CDKAL1: variants seen among roughly 807,000 people sequenced by gnomAD.
CDKAL1 encodes threonylcarbamoyladenosine tRNA methylthiotransferase.
In CDKAL1, 32 loss-of-function variants were observed where a neutral mutation model predicts 68.2. The ratio of observed to expected loss-of-function variants is 0.47; its 90% CI spans 0.35 to 0.63. The LOEUF (loss-of-function observed/expected upper bound fraction) is 0.63, where lower values mean the gene tolerates loss of function less well. Ranked by LOEUF, CDKAL1 falls within the 30% of genes least tolerant of loss-of-function variation. The pLI is 0.00. For missense variants in CDKAL1, 606 were observed against 696.7 expected, an observed-to-expected ratio of 0.87 and a Z score of 1.47; for synonymous variants, 234 against 244.3, an observed-to-expected ratio of 0.96 and a Z score of 0.39.
chr6:21,106,914 G>T (rs1219313119), intron 12 of CDKAL1, among the ~76,000 whole-genome samples: 1 of 150,040 alleles, frequency 6.7e-6, no homozygotes, highest in Non-Finnish European at 1.5e-5. Context: ...ATGGGGCAGG[G>T]ATCACAGTGG....
chr6:20,989,319 T>C (rs986859470), intron 10 of CDKAL1, among the ~76,000 whole-genome samples: 1 of 152,158 alleles, frequency 6.6e-6, no homozygotes, highest in Non-Finnish European at 1.5e-5. Context: ...AGAAAGATAG[T>C]TTGATGTTTA....
At chr6:21,057,678 AAC>A (rs1310406725) in intron 11 of CDKAL1, among the ~76,000 whole-genome samples, 1 of 115,068 alleles carries the variant, frequency 8.7e-6, no homozygotes, top group Non-Finnish European at 1.9e-5. Flanking sequence ...TTTTCCTCTT[AAC>A]ACTGTTAGCT....
At chr6:20,560,816 G>T (rs1481195745) in intron 4 of CDKAL1, among the ~76,000 whole-genome samples, 1 of 152,104 alleles carries the variant, frequency 6.6e-6, no homozygotes, top group Admixed American at 6.5e-5. Flanking sequence ...TCTCAAATTT[G>T]AGTTTCTAAG....
chr6:20,611,292 T>A (rs1266767669), intron 4 of CDKAL1, among the ~76,000 whole-genome samples: 1 of 152,186 alleles, frequency 6.6e-6, no homozygotes, highest in East Asian at 1.9e-4. Context: ...TTTCCATACC[T>A]TCATTTTCTT....
At chr6:20,668,791 A>G (rs1769671646) in intron 5 of CDKAL1, among the ~76,000 whole-genome samples, 1 of 152,038 alleles carries the variant, frequency 6.6e-6, no homozygotes. Context: ...ATTCACTGTC[A>G]CCTCCAATCT....
chr6:20,823,973 G>GGT (rs1018252620), intron 8 of CDKAL1, among the ~76,000 whole-genome samples: 18 of 152,054 alleles, frequency 1.2e-4, no homozygotes, highest in African/African-American at 4.1e-4. Flanking sequence ...AACCACCACT[G>GGT]GTGGATGTTC....
At chr6:21,084,884 G>A (rs773997447) in intron 12 of CDKAL1, among the ~76,000 whole-genome samples, 41 of 152,116 alleles carry the variant, frequency 2.7e-4, no homozygotes, top group Non-Finnish European at 4.6e-4. Flanking sequence ...AGAGAGCCCC[G>A]GGAGCCCCAC....
At chr6:20,832,457 G>T (rs1471687079) in intron 8 of CDKAL1, among the ~76,000 whole-genome samples, 1 of 150,422 alleles carries the variant, frequency 6.6e-6, no homozygotes, top group Non-Finnish European at 1.5e-5. Context: ...AACATAGTGA[G>T]ACCCTGTCTC....
At chr6:21,036,223 A>T (rs1471721744) in intron 11 of CDKAL1, among the ~76,000 whole-genome samples, 1 of 152,090 alleles carries the variant, frequency 6.6e-6, no homozygotes, top group African/African-American at 2.4e-5. Flanking sequence ...ATAAAAGCAA[A>T]TTTTTTTCAT....
At chr6:20,629,845 T>G (rs1487504136) in intron 4 of CDKAL1, among the ~76,000 whole-genome samples, 2 of 151,940 alleles carry the variant, frequency 1.3e-5, no homozygotes, top group Non-Finnish European at 2.9e-5. Flanking sequence ...GCTCTTACCC[T>G]GCTCATACTT....
chr6:20,997,793 G>A (rs555129124), intron 10 of CDKAL1, among the ~76,000 whole-genome samples: 104 of 152,060 alleles, frequency 6.8e-4, no homozygotes, highest in Admixed American at 1.7e-3. Flanking sequence ...TTGCTAGTTC[G>A]GGAACTAGCT....
intron 11 of CDKAL1, among the ~76,000 whole-genome samples, chr6:21,057,036 T>TA (rs1353051079): frequency 6.6e-6 from 1 of 152,218 alleles, no homozygotes; most frequent in Non-Finnish European, 1.5e-5. Context: ...GCTGGCCTCA[T>TA]AAAATGAGTT....
intron 5 of CDKAL1, among the ~76,000 whole-genome samples, chr6:20,676,702 T>A (rs969121964): frequency 1.5e-5 from 2 of 133,300 alleles, no homozygotes; most frequent in African/African-American, 6.3e-5. Flanking sequence ...AATAAATAAA[T>A]AAAATAAAAT....
intron 5 of CDKAL1, among the ~76,000 whole-genome samples, chr6:20,652,696 A>G (rs1476813630): frequency 6.6e-6 from 1 of 152,016 alleles, no homozygotes; most frequent in African/African-American, 2.4e-5. Context: ...TCATTCTTAT[A>G]CTCATTCTTT....
intron 9 of CDKAL1, among the ~76,000 whole-genome samples, chr6:20,898,642 A>G (rs1366347090): frequency 2.0e-5 from 3 of 152,126 alleles, no homozygotes; most frequent in Non-Finnish European, 2.9e-5. Flanking sequence ...CTATGGATTC[A>G]GTAGGATTAG....
intron 13 of CDKAL1, among the ~76,000 whole-genome samples, chr6:21,113,596 G>A (rs776773408): frequency 4.6e-5 from 7 of 151,896 alleles, no homozygotes; most frequent in Admixed American, 3.3e-4. Flanking sequence ...TCTGCCTTCC[G>A]GGTTCAAGCA....
intron 9 of CDKAL1, among the ~76,000 whole-genome samples, chr6:20,877,229 T>C (rs1463599350): frequency 1.3e-5 from 2 of 152,214 alleles, no homozygotes; most frequent in African/African-American, 4.8e-5. Context: ...ATAATAGCAA[T>C]TACGACTGAG....
chr6:20,834,185 C>T (rs957726640), intron 8 of CDKAL1, among the ~76,000 whole-genome samples: 13 of 152,166 alleles, frequency 8.5e-5, no homozygotes, highest in Admixed American at 6.5e-4. Context: ...GCCTGGTCAT[C>T]CTTTCTGCAC....
intron 4 of CDKAL1, chr6:20,558,460 G>A (rs945016912): frequency 3.1e-5 from 14 of 452,124 alleles, no homozygotes; most frequent in African/African-American, 8.0e-5. Flanking sequence ...ATGGCAGTGC[G>A]GTCTGTATGA....
Sources: gnomAD v4.1 joint callset for allele counts (sites outside exome capture counted in the v4.1 genomes callset) on GRCh38, gnomAD v4.1.1 for gene constraint, MANE v1.5 for transcripts, NCBI Gene and HGNC (gene_info 2026-07-23, HGNC 2026-07-21) for gene names.